CHID1: variants seen among roughly 807,000 people sequenced by gnomAD.
CHID1 encodes the protein chitinase domain containing 1.
In CHID1, 44 loss-of-function variants were observed where a neutral mutation model predicts 55.4. That is an observed-to-expected ratio of 0.79 (90% CI 0.62 to 1.02). The LOEUF (loss-of-function observed/expected upper bound fraction) is 1.02. Ranked by LOEUF, CHID1 falls within the 50% of genes least tolerant of loss-of-function variation. The pLI is 0.00. For synonymous variants in CHID1, 216 were observed against 212.9 expected, an observed-to-expected ratio of 1.01 and a Z score of -0.13; for missense variants, 491 against 515.3, an observed-to-expected ratio of 0.95 and a Z score of 0.46.
In CHID1 at chr11:875,123, G is replaced by A. The variant is rs907066899; in HGVS notation, c.960-4624C>T. 6.6e-6 allele frequency among the ~76,000 whole-genome samples: 1 copy of A among 152,234 alleles called. No individual in the cohort carries two copies. The highest frequency in any genetic ancestry group is 6.5e-5 in the Admixed American group (1 of 15,286). On this transcript the variant is annotated intron_variant, in intron 10 of 12. Transcript: ENST00000323578. The surrounding 1 kb of genome is among the most constrained non-coding windows in gnomAD (Gnocchi z 4.7). Reference sequence around the variant, plus strand: ...AGCAATGGTGAGGCCCCCAGTGCCAGGCCCAGGCCCCCTCCTGAAGGGAGG... The same window carrying A: ...AGCAATGGTGAGGCCCCCAGTGCCAAGCCCAGGCCCCCTCCTGAAGGGAGG...
rs1054776786 is a variant in CHID1 at position 870,320 on chromosome 11, C to T, written c.1040+99G>A. The stretch of plus-strand genomic sequence containing the variant: ...CCGGGAGCAGCAAGTGAGCTCGTGA[C>T]CCTGAGACCCCCTGGGCCCTGCTGC... On this transcript the variant is annotated intron_variant, in intron 11 of 12. Transcript: ENST00000323578. The T allele has an allele frequency of 4.5e-6, 6 of 1,329,664 alleles. No homozygotes were observed. In the African/African-American group the frequency reaches 8.7e-5, roughly 19 times the overall value. 82.4% of individuals were successfully genotyped at this position (1,329,664 alleles called of 1,614,324 possible). A position where few individuals can be genotyped will look rare whatever the true frequency, so the allele number is the denominator to read the frequency against.
chr11:901,067 G>A (rs1460483453), intron 4 of CHID1, 87 bp from the exon 5 acceptor site: 25 of 1,243,008 alleles, frequency 2.0e-5, no homozygotes, highest in Admixed American at 1.3e-4. Flanking sequence ...CGTGGCAGCC[G>A]CACAATACGC....
chr11:901,398 G>GA (rs1466541624), intron 4 of CHID1, among the ~76,000 whole-genome samples: 2 of 152,210 alleles, frequency 1.3e-5, no homozygotes, highest in African/African-American at 2.4e-5. Context: ...CAGTGTCAGG[G>GA]AAAACCACTC....
At chr11:908,487 G>T in intron 1 of CHID1, 1 of 714,320 alleles carries the variant, frequency 1.4e-6, no homozygotes, top group Non-Finnish European at 1.7e-6. Context: ...CAGCCCCAGG[G>T]AAGGTGGGGA....
chr11:894,954 C>T (rs1225481190), intron 7 of CHID1, among the ~76,000 whole-genome samples: 2 of 152,196 alleles, frequency 1.3e-5, no homozygotes, highest in South Asian at 2.1e-4. Flanking sequence ...TTAGTTCTGC[C>T]GGCTGCAATG....
At chr11:883,938 C>T (rs1375787297) in intron 9 of CHID1, 130 bp downstream of exon 9, 11 of 727,618 alleles carry the variant, frequency 1.5e-5, no homozygotes, top group Non-Finnish European at 2.6e-5. Flanking sequence ...TGTCCAGACT[C>T]AGCAGGTGAC....
intron 5 of CHID1, among the ~76,000 whole-genome samples, chr11:900,595 C>T (rs902295291): frequency 6.6e-6 from 1 of 152,152 alleles, no homozygotes; most frequent in South Asian, 2.1e-4. Context: ...TCAGCATCAC[C>T]CTCAGGCCAA....
At chr11:883,404 G>A (rs529560251) in intron 9 of CHID1, 101 bp from the exon 10 acceptor site, 338 of 1,206,432 alleles carry the variant, frequency 2.8e-4, no homozygotes, top group Admixed American at 5.6e-4. Context: ...CCCATGCTGC[G>A]GCTGACACCT....
intron 7 of CHID1, among the ~76,000 whole-genome samples, chr11:899,023 C>G (rs1851601251): frequency 6.6e-6 from 1 of 152,262 alleles, no homozygotes; most frequent in African/African-American, 2.4e-5. Context: ...CCATCTTTCT[C>G]TTGCCAAGAC....
At chr11:914,885 C>T (rs1244445294), upstream of CHID1, 4 of 308,030 alleles carry the variant, frequency 1.3e-5, no homozygotes, top group Non-Finnish European at 2.5e-5. Context: ...AGGCAGGGCC[C>T]TTCCCAACAG....
intron 1 of CHID1, among the ~76,000 whole-genome samples, chr11:906,989 T>C (rs972404423): frequency 1.3e-5 from 2 of 151,822 alleles, no homozygotes; most frequent in African/African-American, 4.8e-5. Flanking sequence ...GATCGCGCAA[T>C]TGCACTCCAG....
chr11:878,923 T>A (rs1849701936), intron 10 of CHID1, among the ~76,000 whole-genome samples: 1 of 152,086 alleles, frequency 6.6e-6, no homozygotes, highest in Non-Finnish European at 1.5e-5. Flanking sequence ...CTGGGCTCAC[T>A]GCAACCTCTG....
chr11:873,763 C>T (rs551244609), intron 10 of CHID1, among the ~76,000 whole-genome samples: 1 of 151,942 alleles, frequency 6.6e-6, no homozygotes, highest in Non-Finnish European at 1.5e-5. Context: ...TTTTGGGGAG[C>T]AGTAATGCGG....
At chr11:899,557 T>C (rs1418133068) in intron 6 of CHID1, among the ~76,000 whole-genome samples, 156 bp from the exon 7 acceptor site, 1 of 152,232 alleles carries the variant, frequency 6.6e-6, no homozygotes, top group Non-Finnish European at 1.5e-5. Flanking sequence ...GAAGGGCCTG[T>C]CTGAAGGAGG....
intron 6 of CHID1, among the ~76,000 whole-genome samples, chr11:899,659 G>C (rs1462153494): frequency 6.6e-6 from 1 of 152,234 alleles, no homozygotes; most frequent in East Asian, 1.9e-4. Flanking sequence ...CCACCCCGGG[G>C]GTCTGGGGGC....
chr11:912,977 T>C (rs1367600438), upstream of CHID1, among the ~76,000 whole-genome samples: 1 of 152,218 alleles, frequency 6.6e-6, no homozygotes, highest in East Asian at 1.9e-4. Flanking sequence ...CTGTATTAAG[T>C]GAAACTTGAA....
In CHID1 at chr11:875,992, G is replaced by A. The variant is rs551472577; in HGVS notation, c.960-5493C>T. Among the ~76,000 whole-genome samples the A allele has an allele frequency of 5.9e-5, 9 of 152,252 alleles. No individual in the cohort carries two copies. Among genetic ancestry groups the A allele is most frequent in the Non-Finnish European group, 8.8e-5 (6 of 68,010 alleles). ...GCTTGGCGGTGCACGTGGTGTGTGG[G>A]GGCATGTGAGGCTGGGGGCTGTCTG... is the stretch of plus-strand genomic sequence containing the variant. On this transcript the variant is annotated intron_variant, in intron 10 of 12. Transcript: ENST00000323578. This position sits in a 1 kb window ranked among gnomAD's most constrained non-coding sequence, Gnocchi z 4.7.
At chr11:910,679 G>A (rs1480178798) in intron 1 of CHID1, 96 bp downstream of exon 1, 6 of 1,266,774 alleles carry the variant, frequency 4.7e-6, no homozygotes, top group Non-Finnish European at 6.1e-6. Context: ...CCGTCCTCCC[G>A]GGGCCGAGCC....
chr11:900,719 G>A (rs1851740473), intron 5 of CHID1, among the ~76,000 whole-genome samples: 1 of 152,200 alleles, frequency 6.6e-6, no homozygotes, highest in Non-Finnish European at 1.5e-5. Context: ...TGGCTTTGGA[G>A]GGCCACAGCC....
Sources: gnomAD v4.1 joint callset for allele counts (sites outside exome capture counted in the v4.1 genomes callset) on GRCh38, gnomAD v4.1.1 for gene constraint, Gnocchi (gnomAD v3.1) non-coding constraint, MANE v1.5 for transcripts, NCBI Gene and HGNC (gene_info 2026-07-23, HGNC 2026-07-21) for gene names.